EBF4: variants seen among roughly 807,000 people sequenced by gnomAD.
EBF4 encodes the protein transcription factor COE4.
EBF4 carries 34 observed loss-of-function variants against 67.1 expected under a neutral mutation model. That is an observed-to-expected ratio of 0.51 (90% CI 0.39 to 0.67). The LOEUF (loss-of-function observed/expected upper bound fraction) is 0.67, where lower values mean the gene tolerates loss of function less well. Ranked by LOEUF, EBF4 falls within the 30% of genes least tolerant of loss-of-function variation. EBF4 has a pLI of 0.00. For synonymous variants in EBF4, 387 were observed against 377.7 expected (o/e 1.02, Z -0.29); for missense variants, 837 against 873.3 (o/e 0.96, Z 0.52).
At chr20:2,734,177 A>G (rs948371413) in intron 6 of EBF4, among the ~76,000 whole-genome samples, 1 of 152,092 alleles carries the variant, frequency 6.6e-6, no homozygotes, top group Non-Finnish European at 1.5e-5. Context: ...GTAGGCAGAG[A>G]AGGGCAGATT....
chr20:2,731,217 A>G (rs375068443), intron 6 of EBF4, among the ~76,000 whole-genome samples: 5 of 152,178 alleles, frequency 3.3e-5, no homozygotes, highest in Non-Finnish European at 7.3e-5. Flanking sequence ...GTTTGATGAC[A>G]CTGTAAGTTA....
At chr20:2,718,106 G>A (rs997313140) in intron 6 of EBF4, among the ~76,000 whole-genome samples, 16 of 152,308 alleles carry the variant, frequency 1.1e-4, no homozygotes, top group African/African-American at 3.6e-4. Context: ...ACCGCACCCG[G>A]CTGGTTAATG....
intron 6 of EBF4, among the ~76,000 whole-genome samples, chr20:2,736,884 G>A (rs1436395943): frequency 2.0e-5 from 3 of 152,234 alleles, no homozygotes; most frequent in Non-Finnish European, 4.4e-5. Context: ...GGCAGCCGAA[G>A]CCAAGCTTAG....
intron 14 of EBF4, among the ~76,000 whole-genome samples, chr20:2,753,503 G>T (rs2088190362): frequency 6.6e-6 from 1 of 152,232 alleles, no homozygotes; most frequent in African/African-American, 2.4e-5. Flanking sequence ...AAAGCCCAGG[G>T]CTTGGGGGAT....
chr20:2,711,302 C>T (rs1168887883), intron 6 of EBF4, among the ~76,000 whole-genome samples: 1 of 151,854 alleles, frequency 6.6e-6, no homozygotes, highest in Non-Finnish European at 1.5e-5. Flanking sequence ...TCTTTTTTGC[C>T]ACTGCAAAAT....
Position 2,707,861 on chromosome 20 carries a change from TGG to T in EBF4, c.415-84_415-83del. ...GGCAGGGTCTCCCTGGGCCTAGGCT[TGG>T]GAGATGCCAGGTCCGTCTGTGCTGC... On this transcript the variant is annotated intron_variant, in intron 4 of 16. Coordinates refer to ENST00000609451, the Ensembl canonical transcript of EBF4. This position sits in a 1 kb window ranked among gnomAD's most constrained non-coding sequence, Gnocchi z 4.6. The T allele has an allele frequency of 7.5e-7, 1 of 1,337,980 alleles. No homozygotes were observed. The highest frequency in any genetic ancestry group is 1.0e-6 in the Non-Finnish European group (1 of 980,526). The allele number at this position is 1,337,980 out of a possible 1,614,324, so 82.9% of individuals were successfully genotyped here. A position where few individuals can be genotyped will look rare whatever the true frequency, so the allele number is the denominator to read the frequency against.
intron 10 of EBF4, among the ~76,000 whole-genome samples, chr20:2,750,706 G>A (rs1156587055): frequency 1.3e-5 from 2 of 152,188 alleles, no homozygotes; most frequent in African/African-American, 4.8e-5. Context: ...GTCTAACGCG[G>A]AAAGGCTGAG....
At chr20:2,757,441 C>T (rs2088261729) in intron 15 of EBF4, among the ~76,000 whole-genome samples, 1 of 144,988 alleles carries the variant, frequency 6.9e-6, no homozygotes, top group African/African-American at 2.6e-5. Context: ...CAAACAATAA[C>T]AGACTTTTGT....
At chr20:2,752,208 C>T in exon 13 of EBF4, 3 of 1,410,064 alleles carry the variant, frequency 2.1e-6, no homozygotes, top group African/African-American at 1.5e-5. Context: ...GCATCAACGC[C>T]TTCAGCAGCC....
At chr20:2,749,677 C>T in exon 9 of EBF4, 1 of 1,567,660 alleles carries the variant, frequency 6.4e-7, no homozygotes, top group Non-Finnish European at 8.6e-7. Context: ...ACGGGCGGCG[C>T]CACCGTCATT....
At chr20:2,726,877 C>G (rs371116999) in intron 6 of EBF4, among the ~76,000 whole-genome samples, 2 of 152,040 alleles carry the variant, frequency 1.3e-5, no homozygotes, top group South Asian at 2.1e-4. Flanking sequence ...AACAGATCTC[C>G]AGAACTTTTT....
At chr20:2,728,029 AT>A (rs1159855522) in intron 6 of EBF4, among the ~76,000 whole-genome samples, 1 of 152,186 alleles carries the variant, frequency 6.6e-6, no homozygotes, top group Non-Finnish European at 1.5e-5. Context: ...CACCCTATTA[AT>A]TGTGTCACTT....
chr20:2,701,417 G>C (rs1390389527), intron 1 of EBF4, among the ~76,000 whole-genome samples: 1 of 152,220 alleles, frequency 6.6e-6, no homozygotes, highest in African/African-American at 2.4e-5. Flanking sequence ...CCCTCCTGCA[G>C]GGATGCTGAG....
At chr20:2,703,811 C>T (rs2087411384) in intron 1 of EBF4, among the ~76,000 whole-genome samples, 2 of 152,168 alleles carry the variant, frequency 1.3e-5, no homozygotes, top group African/African-American at 4.8e-5. Context: ...AGGGAGCAGA[C>T]TAGCCTGGTG....
At chr20:2,708,044 C>T (rs895322338) in intron 5 of EBF4, 24 bp downstream of exon 5, 1 of 1,593,142 alleles carries the variant, frequency 6.3e-7, no homozygotes. Context: ...GTCACTCACA[C>T]CTCACCCCTC....
exon 8 of EBF4, chr20:2,749,502 C>T (rs944814055): frequency 1.3e-5 from 20 of 1,547,284 alleles, no homozygotes; most frequent in Non-Finnish European, 1.7e-5. Context: ...GGGCGCGCCG[C>T]CTGGACCCCT....
chr20:2,714,366 C>CT (rs1218393524), intron 6 of EBF4, among the ~76,000 whole-genome samples: 1 of 144,898 alleles, frequency 6.9e-6, no homozygotes, highest in Admixed American at 7.0e-5. Context: ...TTTCTTTCTT[C>CT]TTTTTTGACA....
exon 10 of EBF4, chr20:2,749,854 C>T (rs1452325828): frequency 6.5e-7 from 1 of 1,549,772 alleles, no homozygotes; most frequent in East Asian, 2.4e-5. Flanking sequence ...CAGCTCATCA[C>T]GCCCCACGCC....
chr20:2,721,697 C>T (rs889714308), intron 6 of EBF4, among the ~76,000 whole-genome samples: 5 of 152,154 alleles, frequency 3.3e-5, no homozygotes, highest in South Asian at 2.1e-4. Context: ...TCAGGTGACC[C>T]GCCTGCCTCA....
Sources: gnomAD v4.1 joint callset for allele counts (sites outside exome capture counted in the v4.1 genomes callset) on GRCh38, gnomAD v4.1.1 for gene constraint, Gnocchi (gnomAD v3.1) non-coding constraint, MANE v1.5 for transcripts, NCBI Gene and HGNC (gene_info 2026-07-23, HGNC 2026-07-21) for gene names.